COPS8: variants seen among roughly 807,000 people sequenced by gnomAD.
COPS8 encodes COP9 signalosome subunit 8.
In COPS8, 11 loss-of-function variants were observed where a neutral mutation model predicts 31.5. The observed-to-expected ratio is 0.35, with a 90% CI of 0.22 to 0.58. COPS8 has a LOEUF of 0.58. COPS8 is among the 20% of genes least tolerant of loss of function. The probability of loss-of-function intolerance (pLI) is 0.83; values close to 1 mark genes in which losing one functional copy is unlikely to be tolerated. For missense variants in COPS8, 215 were observed against 255.1 expected (o/e 0.84, Z 1.07); for synonymous variants, 81 against 89.3 (o/e 0.91, Z 0.52).
chr2:237,089,546 A>G (rs996671704), intron 3 of COPS8, among the ~76,000 whole-genome samples: 5 of 152,300 alleles, frequency 3.3e-5, no homozygotes, highest in African/African-American at 1.2e-4. Context: ...ATCTTTAAAA[A>G]CAATCCTTAA....
At chr2:237,096,724 G>T in intron 6 of COPS8, 98 bp from the exon 7 acceptor site, 2 of 848,510 alleles carry the variant, frequency 2.4e-6, no homozygotes, top group Non-Finnish European at 1.9e-6. Context: ...GAAATAAATG[G>T]CCGTTAAATG....
At position 237,097,909 on chromosome 2, in the gene COPS8, A is replaced by G. The variant is rs1390715426; in HGVS notation, c.*167A>G. ...AAGATATACTATATACATTTTGTCC[A>G]TAAACGTTATGCTGAATAGTTGTTG... On this transcript the variant is annotated 3_prime_UTR_variant, in exon 8 of 8. Coordinates refer to ENST00000354371, the MANE Select transcript of COPS8 (RefSeq NM_006710.5). 3 of 510,216 alleles carry G rather than the reference A, an allele frequency of 5.9e-6. No individual in the cohort carries two copies. The highest frequency in any genetic ancestry group is 1.9e-5 in the African/African-American group (1 of 51,766). 31.6% of individuals were successfully genotyped at this position (510,216 alleles called of 1,614,324 possible). A position where few individuals can be genotyped will look rare whatever the true frequency, so the allele number is the denominator to read the frequency against.
intron 7 of COPS8, among the ~76,000 whole-genome samples, chr2:237,097,229 T>C (rs1030382811): frequency 4.1e-5 from 6 of 147,408 alleles, no homozygotes; most frequent in South Asian, 2.1e-4. Flanking sequence ...GTTTTCTTTT[T>C]TTTTTTTTTT....
At chr2:237,096,745 T>C (rs1696807580) in intron 6 of COPS8, 77 bp from the exon 7 acceptor site, 2 of 1,140,670 alleles carry the variant, frequency 1.8e-6, no homozygotes, top group South Asian at 1.3e-5. Context: ...CATGTTGTGC[T>C]GAAAATAGCA....
Position 237,099,117 on chromosome 2 carries a change from TG to T in COPS8, c.*1376del, listed in dbSNP as rs1321081785. ...ATCCAAATATTCATTAATAGGGGAT[TG>T]TTTGAATAAACAGCAGTGTAGACTA... On this transcript the variant is annotated 3_prime_UTR_variant, in exon 8 of 8. Coordinates refer to ENST00000354371, the MANE Select transcript of COPS8 (RefSeq NM_006710.5). 6.6e-6 allele frequency: 1 copy of T among 152,196 alleles called. No individual in the cohort carries two copies. The highest frequency in any genetic ancestry group is 6.5e-5 in the Admixed American group (1 of 15,280). 9.4% of individuals were successfully genotyped at this position (152,196 alleles called of 1,614,324 possible). A position where few individuals can be genotyped will look rare whatever the true frequency, so the allele number is the denominator to read the frequency against.
chr2:237,095,805 G>A lies in COPS8; in HGVS notation c.440-17G>A, dbSNP rs746188232. The A allele has an allele frequency of 5.1e-6, 8 of 1,565,806 alleles. No homozygotes were observed. Among genetic ancestry groups the A allele is most frequent in the Non-Finnish European group, 7.0e-6 (8 of 1,136,106 alleles). On this transcript the variant is annotated splice_polypyrimidine_tract_variant and intron_variant, in intron 5 of 7. Transcript: ENST00000354371. ...TTTTATTCTTTCCGGATCTTTATGTGTAATATACTTTTTTAGGCATATTAG... is the reference window on the plus strand; with the variant it reads ...TTTTATTCTTTCCGGATCTTTATGTATAATATACTTTTTTAGGCATATTAG...
At chr2:237,090,856 T>C (rs1696694574) in intron 4 of COPS8, among the ~76,000 whole-genome samples, 1 of 152,112 alleles carries the variant, frequency 6.6e-6, no homozygotes, top group African/African-American at 2.4e-5. Flanking sequence ...GTGAATGAAA[T>C]GAGCAGAGTC....
At chr2:237,087,356 G>A (rs1696637344) in intron 2 of COPS8, 159 bp downstream of exon 2, 1 of 562,692 alleles carries the variant, frequency 1.8e-6, no homozygotes, top group Non-Finnish European at 3.2e-6. Flanking sequence ...ATAGGTTAAT[G>A]AATTATGATT....
At chr2:237,092,846 G>T (rs993408663) in intron 4 of COPS8, among the ~76,000 whole-genome samples, 2 of 152,148 alleles carry the variant, frequency 1.3e-5, no homozygotes, top group South Asian at 4.1e-4. Flanking sequence ...TTGGAGTCGT[G>T]CCCCATTTTG....
chr2:237,086,167 G>C, intron 1 of COPS8, 125 bp downstream of exon 1: 1 of 920,626 alleles, frequency 1.1e-6, no homozygotes, highest in Non-Finnish European at 1.7e-6. Flanking sequence ...GGGCGTGGGA[G>C]GTGGACGTGT....
intron 2 of COPS8, chr2:237,087,484 TACTTA>T (rs1696640698): frequency 2.4e-6 from 1 of 421,274 alleles, no homozygotes; most frequent in African/African-American, 2.1e-5. Context: ...GACCTCTATT[TACTTA>T]ACTTCATATA....
intron 3 of COPS8, 110 bp from the exon 4 acceptor site, chr2:237,089,752 A>T: frequency 9.4e-7 from 1 of 1,064,024 alleles, no homozygotes; most frequent in Non-Finnish European, 1.4e-6. Flanking sequence ...ATTAGGTTTT[A>T]ATGATGTAGC....
At chr2:237,097,224 C>CTTTTTTTTTTTTTTTTTTTTTTTTT (rs996251270) in intron 7 of COPS8, among the ~76,000 whole-genome samples, 3 of 95,984 alleles carry the variant, frequency 3.1e-5, no homozygotes, top group African/African-American at 1.1e-4. Flanking sequence ...TGTGGGTTTT[C>CTTTTTTTTTTTTTTTTTTTTTTTTT]TTTTTTTTTT....
At chr2:237,093,990 C>T (rs1696750373) in intron 4 of COPS8, 100 bp from the exon 5 acceptor site, 1 of 1,503,178 alleles carries the variant, frequency 6.7e-7, no homozygotes, top group African/African-American at 1.4e-5. Flanking sequence ...TCTGGCCTTG[C>T]TTATGAAAAC....
chr2:237,095,862 A>G lies in COPS8; in HGVS notation c.480A>G (p.Arg160=), dbSNP rs1696790420. 6.2e-6 allele frequency: 10 copies of G among 1,613,384 alleles called. No individual in the cohort carries two copies. Among genetic ancestry groups the G allele is most frequent in the Non-Finnish European group, 8.5e-6 (10 of 1,179,350 alleles). Reference sequence around the variant, plus strand: ...GATGGCAAGCTGATTCCACCACAAGAATGGTTCTGCCCAGAAAGCCAGGTA... The same window carrying G: ...GATGGCAAGCTGATTCCACCACAAGGATGGTTCTGCCCAGAAAGCCAGGTA... ...EQGWQADSTT[R]MVLPRKPVAG... is the part of the protein sequence containing the mutation. The change falls in exon 6 of 8, where the codon AGA becomes AGG. Residue 160 remains arginine, a synonymous_variant. Transcript: ENST00000354371.
At chr2:237,087,288 G>A in intron 2 of COPS8, 91 bp downstream of exon 2, 2 of 793,264 alleles carry the variant, frequency 2.5e-6, no homozygotes, top group Non-Finnish European at 4.1e-6. Flanking sequence ...CTAAACATAG[G>A]CACAACGAGC....
rs1475476173 is a variant in COPS8 at position 237,094,213 on chromosome 2, T to C, written c.439+16T>C. On this transcript the variant is annotated intron_variant, in intron 5 of 7. Coordinates refer to ENST00000354371, the MANE Select transcript of COPS8 (RefSeq NM_006710.5). ...GCTGTGAAAGGTAATTTTGGCTTAC[T>C]TTTTACTTATAAGGAAAATGGAAAA... 1 of 1,609,986 alleles carries C rather than the reference T, an allele frequency of 6.2e-7. No homozygotes were observed. Among genetic ancestry groups the C allele is most frequent in the African/African-American group, 1.3e-5 (1 of 74,760 alleles).
intron 3 of COPS8, among the ~76,000 whole-genome samples, chr2:237,089,048 A>G (rs1056959352): frequency 3.3e-5 from 5 of 152,354 alleles, no homozygotes; most frequent in African/African-American, 1.2e-4. Context: ...AATGATTGAC[A>G]GCAATAAGAT....
chr2:237,087,215 A>G lies in COPS8; in HGVS notation c.149+18A>G. ...AATGACATGTAAGTATGTTTAACCT[A>G]AAGCTAAGAGCAACAGGTTTCTCAA... On this transcript the variant is annotated intron_variant, in intron 2 of 7. Coordinates refer to ENST00000354371, the MANE Select transcript of COPS8 (RefSeq NM_006710.5). The G allele has an allele frequency of 6.4e-7, 1 of 1,567,906 alleles. No individual in the cohort carries two copies. The highest frequency in any genetic ancestry group is 8.7e-7 in the Non-Finnish European group (1 of 1,149,820).
Sources: allele counts gnomAD v4.1 joint callset (sites outside exome capture counted in the v4.1 genomes callset), GRCh38; gene constraint gnomAD v4.1.1; transcripts MANE v1.5; gene names NCBI Gene and HGNC (gene_info 2026-07-23, HGNC 2026-07-21).